Variants in PCDH15 observed in about 807,000 individuals in gnomAD.
PCDH15 encodes protocadherin related 15.
In PCDH15, 129 loss-of-function variants were observed where a neutral mutation model predicts 178.5. The ratio of observed to expected loss-of-function variants is 0.72; its 90% confidence interval spans 0.63 to 0.84. The LOEUF (loss-of-function observed/expected upper bound fraction) is 0.84, where lower values mean the gene tolerates loss of function less well. Among genes scored for constraint, PCDH15 ranks in the 40% least tolerant of loss-of-function variants. PCDH15 has a pLI of 0.00. For synonymous variants in PCDH15, 800 were observed against 732.0 expected (o/e 1.09, Z -1.50); for missense variants, 2,230 against 2,099.9 (o/e 1.06, Z -1.21).
Position 53,847,051 on chromosome 10 carries a change from C to T in PCDH15, c.3807-6555G>A, listed in dbSNP as rs1325686354. Among the ~76,000 whole-genome samples the T allele has an allele frequency of 2.0e-5, 3 of 151,970 alleles. No individual in the cohort carries two copies. The East Asian group carries it at 5.8e-4, about 29-fold the overall frequency. On this transcript the variant is annotated intron_variant, in intron 28 of 37. Transcript: ENST00000644397. ...TAAAATTAAACCTCCATTATTGTGT[C>T]TTTGTGGAAATTACTTAACTTTTCA...
intron 1 of PCDH15, among the ~76,000 whole-genome samples, chr10:54,703,738 G>A (rs990494870): frequency 6.6e-6 from 1 of 151,710 alleles, no homozygotes; most frequent in Non-Finnish European, 1.5e-5. Flanking sequence ...ATAACATAAC[G>A]GGAAAAACAT....
At chr10:53,845,562 C>T (rs2077918142) in intron 28 of PCDH15, among the ~76,000 whole-genome samples, 1 of 151,648 alleles carries the variant, frequency 6.6e-6, no homozygotes, top group African/African-American at 2.4e-5. Context: ...GAACAAAATC[C>T]TGTCATTTGC....
At chr10:54,326,569 T>C (rs976439228) in intron 7 of PCDH15, among the ~76,000 whole-genome samples, 4 of 152,116 alleles carry the variant, frequency 2.6e-5, no homozygotes, top group Non-Finnish European at 4.4e-5. Context: ...ACCAGAACAA[T>C]GTGGTATGTT....
intron 2 of PCDH15, among the ~76,000 whole-genome samples, chr10:55,058,959 T>A (rs1460021720): frequency 6.6e-6 from 1 of 152,236 alleles, no homozygotes; most frequent in Non-Finnish European, 1.5e-5. Context: ...GAATCACTCA[T>A]TAAATCAGGT....
intron 3 of PCDH15, among the ~76,000 whole-genome samples, chr10:54,463,959 T>C (rs926301012): frequency 3.9e-5 from 6 of 152,086 alleles, no homozygotes; most frequent in Non-Finnish European, 7.4e-5. Flanking sequence ...GGGAGAACAA[T>C]GGATATATCT....
At chr10:54,476,309 T>C (rs577402072) in intron 3 of PCDH15, among the ~76,000 whole-genome samples, 2 of 152,046 alleles carry the variant, frequency 1.3e-5, no homozygotes, top group East Asian at 2.0e-4. Context: ...CACAGATAAA[T>C]AGAAAGTACC....
chr10:55,507,010 G>A (rs1268392011), intron 2 of PCDH15, among the ~76,000 whole-genome samples: 1 of 150,858 alleles, frequency 6.6e-6, no homozygotes, highest in South Asian at 2.1e-4. Context: ...ATTATATATA[G>A]GTATATACAT....
intron 2 of PCDH15, among the ~76,000 whole-genome samples, chr10:55,163,060 C>T (rs142559409): frequency 5.8e-4 from 88 of 152,242 alleles, no homozygotes; most frequent in African/African-American, 2.1e-3. Context: ...CAGAAGCACA[C>T]TCAGTCCAGA....
At chr10:54,622,164 C>A (rs1009883376) in intron 2 of PCDH15, among the ~76,000 whole-genome samples, 1 of 151,724 alleles carries the variant, frequency 6.6e-6, no homozygotes, top group Non-Finnish European at 1.5e-5. Context: ...CCATCCCTGT[C>A]ATAGGAAGAG....
At chr10:54,768,189 A>G (rs1032396438) in intron 1 of PCDH15, among the ~76,000 whole-genome samples, 3 of 152,170 alleles carry the variant, frequency 2.0e-5, no homozygotes, top group African/African-American at 7.2e-5. Context: ...GCATAACAGC[A>G]TGAGAGCATA....
At position 54,625,685 on chromosome 10, in the gene PCDH15, T is replaced by G. The variant is rs533519378; in HGVS notation, c.91+38487A>C. On this transcript the variant is annotated intron_variant, in intron 2 of 37. Coordinates refer to ENST00000644397, the MANE Select transcript of PCDH15 (RefSeq NM_001384140.1). Reference sequence around the variant, plus strand: ...GAGTTCTCTATTAAACTTTTTTCCTTTGTAAATTGCTCAGTCTCAGGTATG... The same window carrying G: ...GAGTTCTCTATTAAACTTTTTTCCTGTGTAAATTGCTCAGTCTCAGGTATG... 1.1e-3 allele frequency among the ~76,000 whole-genome samples: 169 copies of G among 152,274 alleles called. 1 individual carries two copies. Among genetic ancestry groups the G allele is most frequent in the South Asian group, 2.5e-3 (12 of 4,826 alleles).
At chr10:54,008,840 T>G (rs138656730) in intron 20 of PCDH15, among the ~76,000 whole-genome samples, 1 of 152,298 alleles carries the variant, frequency 6.6e-6, no homozygotes, top group East Asian at 1.9e-4. Context: ...AGGCAAATTT[T>G]TCACCTGGTC....
At chr10:54,787,269 A>G (rs377228534) in intron 1 of PCDH15, among the ~76,000 whole-genome samples, 1 of 117,702 alleles carries the variant, frequency 8.5e-6, no homozygotes, top group Admixed American at 9.8e-5. Flanking sequence ...AAAGATAAAA[A>G]GGAAAAAAAA....
At chr10:54,573,463 A>G (rs923025870) in intron 2 of PCDH15, among the ~76,000 whole-genome samples, 4 of 152,220 alleles carry the variant, frequency 2.6e-5, no homozygotes, top group Non-Finnish European at 5.9e-5. Flanking sequence ...ACCAGCATTG[A>G]TATTTTCTAA....
At chr10:54,989,158 C>T (rs1354014505) in intron 2 of PCDH15, among the ~76,000 whole-genome samples, 2 of 152,182 alleles carry the variant, frequency 1.3e-5, no homozygotes, top group African/African-American at 4.8e-5. Flanking sequence ...GGAACCTCTG[C>T]CGAGATTTCA....
chr10:54,446,918 T>C (rs2076175256), intron 3 of PCDH15, among the ~76,000 whole-genome samples: 1 of 151,568 alleles, frequency 6.6e-6, no homozygotes. Context: ...TATAAGATTG[T>C]TGCAACTAAC....
chr10:54,454,431 TTAA>T (rs1479223241), intron 3 of PCDH15, among the ~76,000 whole-genome samples: 2 of 146,224 alleles, frequency 1.4e-5, no homozygotes, highest in African/African-American at 2.5e-5. Flanking sequence ...TTAAACATTA[TTAA>T]TATTTATTGT....
intron 26 of PCDH15, among the ~76,000 whole-genome samples, chr10:53,899,452 C>A (rs561998528): frequency 6.6e-6 from 1 of 152,052 alleles, no homozygotes; most frequent in South Asian, 2.1e-4. Flanking sequence ...GCTAATATAG[C>A]CTTATTCACT....
intron 2 of PCDH15, among the ~76,000 whole-genome samples, chr10:54,580,444 A>C (rs543114755): frequency 3.9e-5 from 6 of 152,006 alleles, no homozygotes; most frequent in African/African-American, 1.4e-4. Flanking sequence ...CAAATGAATC[A>C]GTCATAAAAA....
Sources: gnomAD v4.1 joint callset for allele counts (sites outside exome capture counted in the v4.1 genomes callset) on GRCh38, gnomAD v4.1.1 for gene constraint, MANE v1.5 for transcripts, NCBI Gene and HGNC (gene_info 2026-07-23, HGNC 2026-07-21) for gene names.